Variants in RAB20 observed in about 807,000 individuals in gnomAD.
The protein encoded by RAB20 is RAB20, member RAS oncogene family, also known as ras-related protein Rab-20.
RAB20 carries 2 observed loss-of-function variants against 3.7 expected under a neutral mutation model. The ratio of observed to expected loss-of-function variants is 0.54; its 90% confidence interval spans 0.22 to 1.69. The LOEUF (loss-of-function observed/expected upper bound fraction) is 1.69, where lower values mean the gene tolerates loss of function less well. Ranked by LOEUF, RAB20 falls within the 40% of genes most tolerant of loss-of-function variation. The pLI, the probability that RAB20 is intolerant of heterozygous loss-of-function variation, is 0.19. For missense variants in RAB20, 276 were observed against 311.9 expected (o/e 0.88, Z 0.87); for synonymous variants, 126 against 130.8 (o/e 0.96, Z 0.25).
chr13:110,541,946 C>T (rs1840558660), intron 1 of RAB20, among the ~76,000 whole-genome samples: 1 of 152,128 alleles, frequency 6.6e-6, no homozygotes, highest in African/African-American at 2.4e-5. Flanking sequence ...ATCAGAGACC[C>T]CAGATGCTCA....
At chr13:110,526,534 G>C (rs1164689100) in intron 1 of RAB20, among the ~76,000 whole-genome samples, 3 of 152,216 alleles carry the variant, frequency 2.0e-5, no homozygotes, top group African/African-American at 7.2e-5. Context: ...CCCTGAGTGT[G>C]TGGACAGTGT....
At chr13:110,557,196 G>C (rs972873845) in intron 1 of RAB20, among the ~76,000 whole-genome samples, 2 of 152,220 alleles carry the variant, frequency 1.3e-5, no homozygotes, top group Non-Finnish European at 2.9e-5. Context: ...AGGATGTGGT[G>C]CCAGAGAGCT....
At chr13:110,534,082 C>T (rs902295399) in intron 1 of RAB20, among the ~76,000 whole-genome samples, 3 of 152,192 alleles carry the variant, frequency 2.0e-5, no homozygotes, top group Admixed American at 1.3e-4. Context: ...CTGGACATGG[C>T]TGGGAAGGTG....
rs547365987 is a variant in RAB20 at position 110,557,219 on chromosome 13, G to A, written c.172+4129C>T. On this transcript the variant is annotated intron_variant, in intron 1 of 1. Transcript: ENST00000267328. ...GTGCCAGAGAGCTCAGCTGAGTCGT[G>A]CCCCACAGCTGTGAGGGAAGCATCA... 1.4e-4 allele frequency among the ~76,000 whole-genome samples: 21 copies of A among 152,324 alleles called. No individual in the cohort carries two copies. The South Asian group carries it at 4.2e-3, about 30-fold the overall frequency.
At position 110,561,560 on chromosome 13, in the gene RAB20, G is replaced by A; in HGVS notation, c.-41C>T. On this transcript the variant is annotated 5_prime_UTR_variant, in exon 1 of 2. Coordinates refer to ENST00000267328, the MANE Select transcript of RAB20 (RefSeq NM_017817.3). ...CCCAGCGCCCCCGCGCCCTCTCCCCGAGGCTGGCCGGCTCGTGCGCCCTGG... is the reference window on the plus strand; with the variant it reads ...CCCAGCGCCCCCGCGCCCTCTCCCCAAGGCTGGCCGGCTCGTGCGCCCTGG... 6.6e-7 allele frequency: 1 copy of A among 1,507,122 alleles called. No individual in the cohort carries two copies. 93.4% of individuals were successfully genotyped at this position (1,507,122 alleles called of 1,614,324 possible).
intron 1 of RAB20, among the ~76,000 whole-genome samples, chr13:110,552,608 G>A (rs1246708783): frequency 1.4e-5 from 2 of 147,018 alleles, no homozygotes. Context: ...CAGGAGAATG[G>A]CGTGAACCCA....
At chr13:110,556,414 C>T (rs1347607632) in intron 1 of RAB20, among the ~76,000 whole-genome samples, 2 of 152,334 alleles carry the variant, frequency 1.3e-5, no homozygotes, top group Non-Finnish European at 2.9e-5. Context: ...ACAGGTTCCT[C>T]CCTTCAGCCT....
At chr13:110,526,216 G>A (rs1400388401) in intron 1 of RAB20, among the ~76,000 whole-genome samples, 3 of 152,166 alleles carry the variant, frequency 2.0e-5, no homozygotes, top group Non-Finnish European at 4.4e-5. Flanking sequence ...CTCCACTCTC[G>A]AGCTCAGAAC....
intron 1 of RAB20, among the ~76,000 whole-genome samples, chr13:110,561,145 G>T (rs1209676428): frequency 6.6e-6 from 1 of 152,224 alleles, no homozygotes; most frequent in Admixed American, 6.5e-5. Flanking sequence ...CTGCAACTTG[G>T]GTTGTCCCTG....
At chr13:110,541,052 G>A (rs930505710) in intron 1 of RAB20, among the ~76,000 whole-genome samples, 1 of 152,180 alleles carries the variant, frequency 6.6e-6, no homozygotes, top group Non-Finnish European at 1.5e-5. Context: ...GCCAGCCCGA[G>A]GACCTTGCCG....
intron 1 of RAB20, among the ~76,000 whole-genome samples, chr13:110,546,439 A>C (rs1469530300): frequency 6.6e-6 from 1 of 152,216 alleles, no homozygotes; most frequent in Non-Finnish European, 1.5e-5. Context: ...GGGCAACATA[A>C]GTCATTTCAA....
Position 110,523,646 on chromosome 13 carries a change from T to C in RAB20, c.*19A>G, listed in dbSNP as rs1197776989. On this transcript the variant is annotated 3_prime_UTR_variant, in exon 2 of 2. Coordinates refer to ENST00000267328, the MANE Select transcript of RAB20 (RefSeq NM_017817.3). ...CCCTTCCCAACATGCACAGTCTGAGTCCAGGAGGCCCTCGAAAGTCAGGCA... is the reference window on the plus strand; with the variant it reads ...CCCTTCCCAACATGCACAGTCTGAGCCCAGGAGGCCCTCGAAAGTCAGGCA... The C allele has an allele frequency of 1.2e-6, 2 of 1,609,194 alleles. No individual in the cohort carries two copies. The highest frequency in any genetic ancestry group is 1.7e-6 in the Non-Finnish European group (2 of 1,176,510).
intron 1 of RAB20, among the ~76,000 whole-genome samples, chr13:110,552,555 C>T (rs1044712582): frequency 2.8e-4 from 42 of 148,110 alleles, no homozygotes; most frequent in African/African-American, 4.0e-4. Context: ...TAGCTGGGCG[C>T]GGTGGCGGGC....
intron 1 of RAB20, among the ~76,000 whole-genome samples, chr13:110,539,814 C>T (rs1884724870): frequency 6.6e-6 from 1 of 152,218 alleles, no homozygotes; most frequent in Non-Finnish European, 1.5e-5. Flanking sequence ...CCCGCCTCAG[C>T]CTCCCAAGGT....
chr13:110,548,433 G>A (rs1461006825), intron 1 of RAB20, among the ~76,000 whole-genome samples: 1 of 150,488 alleles, frequency 6.6e-6, no homozygotes, highest in Admixed American at 6.6e-5. Context: ...GCAGTGAGCC[G>A]AGATCACACC....
Position 110,544,208 on chromosome 13 carries a change from G to A in RAB20, c.172+17140C>T, listed in dbSNP as rs533243480. Among the ~76,000 whole-genome samples the A allele has an allele frequency of 4.6e-5, 7 of 152,274 alleles. No homozygotes were observed. In the South Asian group the frequency reaches 8.3e-4, roughly 18 times the overall value. ...TGTCAAAGATCAACTAACAGTAAACGTGTGGATTTGTTTCTGGGCACTCTA... is the reference window on the plus strand; with the variant it reads ...TGTCAAAGATCAACTAACAGTAAACATGTGGATTTGTTTCTGGGCACTCTA... On this transcript the variant is annotated intron_variant, in intron 1 of 1. Coordinates refer to ENST00000267328, the MANE Select transcript of RAB20 (RefSeq NM_017817.3).
chr13:110,557,136 G>A (rs1422935086), intron 1 of RAB20, among the ~76,000 whole-genome samples: 1 of 152,192 alleles, frequency 6.6e-6, no homozygotes, highest in Non-Finnish European at 1.5e-5. Context: ...AATTACAGGT[G>A]GAAGCCTGGG....
chr13:110,553,168 A>G (rs1009792588), intron 1 of RAB20, among the ~76,000 whole-genome samples: 3 of 152,238 alleles, frequency 2.0e-5, no homozygotes, highest in Non-Finnish European at 4.4e-5. Flanking sequence ...AGAGGTGACC[A>G]TGTGGACCCA....
At chr13:110,526,687 G>C (rs1464374624) in intron 1 of RAB20, among the ~76,000 whole-genome samples, 1 of 152,042 alleles carries the variant, frequency 6.6e-6, no homozygotes, top group Non-Finnish European at 1.5e-5. Flanking sequence ...ACAAATATTG[G>C]CAGCAAACTG....
Sources: allele counts gnomAD v4.1 joint callset (sites outside exome capture counted in the v4.1 genomes callset), GRCh38; gene constraint gnomAD v4.1.1; transcripts MANE v1.5; gene names NCBI Gene and HGNC (gene_info 2026-07-23, HGNC 2026-07-21).